TIPIN: variants seen among roughly 807,000 people sequenced by gnomAD.
TIPIN encodes the protein TIMELESS-interacting protein.
Under a neutral mutation model 35.6 loss-of-function variants are expected in TIPIN, and 29 were observed. That is an observed-to-expected ratio of 0.82 (90% CI 0.61 to 1.11). The LOEUF is 1.11. TIPIN is among the 50% of genes most tolerant of loss of function. The pLI, the probability that TIPIN is intolerant of heterozygous loss-of-function variation, is 0.00. For missense variants in TIPIN, 296 were observed against 345.4 expected (o/e 0.86, Z 1.13); for synonymous variants, 102 against 121.5 (o/e 0.84, Z 1.06).
intron 7 of TIPIN, among the ~76,000 whole-genome samples, chr15:66,338,419 A>C (rs1464654739): frequency 6.6e-6 from 1 of 152,246 alleles, no homozygotes; most frequent in African/African-American, 2.4e-5. Context: ...ACCAACTGCC[A>C]GGTATACTTG....
chr15:66,367,725 A>T (rs1399558100), intron 1 of TIPIN, among the ~76,000 whole-genome samples: 11 of 151,432 alleles, frequency 7.3e-5, no homozygotes, highest in Non-Finnish European at 1.5e-5. Context: ...CACTGTAAAC[A>T]ATTTTTTATG....
chr15:66,369,236 G>A (rs775749205), intron 1 of TIPIN, among the ~76,000 whole-genome samples: 1 of 152,164 alleles, frequency 6.6e-6, no homozygotes, highest in South Asian at 2.1e-4. Flanking sequence ...TATATTTTAT[G>A]AGGCTGTACA....
intron 1 of TIPIN, among the ~76,000 whole-genome samples, chr15:66,376,127 C>CT (rs34662346): frequency 4.6e-5 from 7 of 151,776 alleles, no homozygotes; most frequent in African/African-American, 1.2e-4. Context: ...CAAATATATC[C>CT]TTTTTTTTGT....
intron 1 of TIPIN, among the ~76,000 whole-genome samples, chr15:66,381,885 G>A (rs999411412): frequency 3.3e-5 from 5 of 152,104 alleles, no homozygotes; most frequent in Admixed American, 6.6e-5. Context: ...CCAACATGGC[G>A]AAACCCTGTC....
At chr15:66,349,678 A>G (rs2093153686) in intron 4 of TIPIN, among the ~76,000 whole-genome samples, 2 of 152,286 alleles carry the variant, frequency 1.3e-5, no homozygotes, top group South Asian at 4.1e-4. Flanking sequence ...AAGGAGTTTA[A>G]GACCAGCCTG....
At chr15:66,373,586 C>T (rs911038367) in intron 1 of TIPIN, among the ~76,000 whole-genome samples, 1 of 152,010 alleles carries the variant, frequency 6.6e-6, no homozygotes, top group African/African-American at 2.4e-5. Context: ...GAAGATATCG[C>T]CAGTTTTCCA....
rs557874013 is a variant in TIPIN at position 66,351,780 on chromosome 15, C to T, written c.213-180G>A. On this transcript the variant is annotated intron_variant, in intron 3 of 7. Coordinates refer to ENST00000261881, the MANE Select transcript of TIPIN (RefSeq NM_017858.3). ...TCAGCCTCCCAAGTAGCTGGGACTA[C>T]AGGCACCCACCACTGCACCCAGCTA... Among the ~76,000 whole-genome samples, 277 of 152,122 alleles carry T rather than the reference C, an allele frequency of 1.8e-3. 1 individual carries two copies. Among genetic ancestry groups the T allele is most frequent in the African/African-American group, 6.2e-3 (259 of 41,516 alleles).
upstream of TIPIN, among the ~76,000 whole-genome samples, chr15:66,359,772 T>C (rs577665370): frequency 6.6e-6 from 1 of 152,136 alleles, no homozygotes; most frequent in South Asian, 2.1e-4. Context: ...ATAAAGTAAA[T>C]GTAAAAGCAC....
chr15:66,370,163 A>AT (rs2093272636), intron 1 of TIPIN, among the ~76,000 whole-genome samples: 1 of 152,070 alleles, frequency 6.6e-6, no homozygotes, highest in African/African-American at 2.4e-5. Flanking sequence ...TGTCCTGAGT[A>AT]TATCTTCTTT....
At chr15:66,363,859 G>A (rs1229297181) in intron 1 of TIPIN, among the ~76,000 whole-genome samples, 2 of 51,756 alleles carry the variant, frequency 3.9e-5, no homozygotes, top group African/African-American at 1.3e-4. Context: ...GCAGGCGCCT[G>A]TAGTCCCAGC....
Position 66,356,679 on chromosome 15 carries a change from G to A in TIPIN, c.-49C>T, listed in dbSNP as rs2093206334. The A allele has an allele frequency of 5.1e-6, 5 of 985,654 alleles. No individual in the cohort carries two copies. The highest frequency in any genetic ancestry group is 6.0e-6 in the Non-Finnish European group (5 of 830,098). 61.1% of individuals were successfully genotyped at this position (985,654 alleles called of 1,614,324 possible). A position where few individuals can be genotyped will look rare whatever the true frequency, so the allele number is the denominator to read the frequency against. Reference sequence around the variant, plus strand: ...CGGGACACAGCGCGGACCTCGGCGTGCAGACTAAGCGCGCTTCTCGCGATA... The same window carrying A: ...CGGGACACAGCGCGGACCTCGGCGTACAGACTAAGCGCGCTTCTCGCGATA... On this transcript the variant is annotated 5_prime_UTR_variant, in exon 1 of 8. Coordinates refer to ENST00000261881, the MANE Select transcript of TIPIN (RefSeq NM_017858.3).
At chr15:66,347,599 T>C (rs924196055) in intron 6 of TIPIN, among the ~76,000 whole-genome samples, 2 of 152,196 alleles carry the variant, frequency 1.3e-5, no homozygotes, top group Admixed American at 1.3e-4. Flanking sequence ...TTGTTTTTTT[T>C]GAGACAAGAG....
intron 3 of TIPIN, 24 bp downstream of exon 3, chr15:66,352,105 T>G (rs1555408480): frequency 1.3e-6 from 2 of 1,522,096 alleles, no homozygotes; most frequent in East Asian, 4.6e-5. Flanking sequence ...AAAGTATAAA[T>G]GTATAAGAAT....
At chr15:66,340,088 G>A (rs1354682738) in intron 7 of TIPIN, among the ~76,000 whole-genome samples, 1 of 150,816 alleles carries the variant, frequency 6.6e-6, no homozygotes, top group African/African-American at 2.4e-5. Context: ...TGGCCAGGAT[G>A]GTCTCGATCT....
intron 1 of TIPIN, among the ~76,000 whole-genome samples, chr15:66,362,336 A>G (rs1337145283): frequency 6.6e-6 from 1 of 152,106 alleles, no homozygotes; most frequent in Non-Finnish European, 1.5e-5. Context: ...GACTTTTGAA[A>G]GACCAAAAAT....
At chr15:66,376,042 G>C (rs2093295597) in intron 1 of TIPIN, among the ~76,000 whole-genome samples, 1 of 152,106 alleles carries the variant, frequency 6.6e-6, no homozygotes, top group South Asian at 2.1e-4. Context: ...CAAGGTTAAA[G>C]TGATCTATGA....
intron 6 of TIPIN, among the ~76,000 whole-genome samples, chr15:66,343,168 T>C (rs2140445790): frequency 6.6e-6 from 1 of 152,100 alleles, no homozygotes; most frequent in East Asian, 1.9e-4. Context: ...CAACAAAATG[T>C]ACAAGTGTTA....
intron 5 of TIPIN, 53 bp downstream of exon 5, chr15:66,349,262 T>C (rs1360303690): frequency 1.9e-6 from 3 of 1,606,766 alleles, no homozygotes; most frequent in East Asian, 4.5e-5. Flanking sequence ...CTCAACTAAA[T>C]CTACCCTACC....
Position 66,336,921 on chromosome 15 carries a change from CG to C in TIPIN, c.*36del. The C allele has an allele frequency of 1.3e-6, 2 of 1,575,196 alleles. No individual in the cohort carries two copies. The highest frequency in any genetic ancestry group is 1.7e-6 in the Non-Finnish European group (2 of 1,150,846). ...ACATAGTAACGCCAAGCTTGCAGGA[CG>C]ATGACTTAACAGATACATTTTCTCT... On this transcript the variant is annotated 3_prime_UTR_variant, in exon 8 of 8. Transcript: ENST00000261881.
Sources: allele counts gnomAD v4.1 joint callset (sites outside exome capture counted in the v4.1 genomes callset), GRCh38; gene constraint gnomAD v4.1.1; transcripts MANE v1.5; gene names NCBI Gene and HGNC (gene_info 2026-07-23, HGNC 2026-07-21).